The following PDZD2 variants were observed in gnomAD, a reference collection of about 807,000 sequenced individuals.
PDZD2 encodes the protein PDZ domain-containing protein 2.
In PDZD2, 90 loss-of-function variants were observed where a neutral mutation model predicts 220.7. The observed-to-expected ratio is 0.41, with a 90% CI of 0.34 to 0.49. PDZD2 has a LOEUF of 0.49. Among genes scored for constraint, PDZD2 ranks in the 20% least tolerant of loss-of-function variants. The pLI is 0.28. For missense variants in PDZD2, 3,174 were observed against 3,608.5 expected (o/e 0.88, Z 3.08); for synonymous variants, 1,375 against 1,450.5 (o/e 0.95, Z 1.18).
At chr5:32,051,389 G>A (rs1413000824) in intron 8 of PDZD2, among the ~76,000 whole-genome samples, 1 of 152,096 alleles carries the variant, frequency 6.6e-6, no homozygotes, top group Non-Finnish European at 1.5e-5. Context: ...GTTCTAAGCT[G>A]CCAAAAATAC....
At chr5:31,662,775 G>A (rs527433254) in intron 1 of PDZD2, among the ~76,000 whole-genome samples, 46 of 152,240 alleles carry the variant, frequency 3.0e-4, no homozygotes, top group Middle Eastern at 3.4e-3. Flanking sequence ...GACTACAGGC[G>A]CCCACCACCA....
intron 2 of PDZD2, among the ~76,000 whole-genome samples, chr5:31,924,733 A>G (rs911543926): frequency 7.2e-5 from 11 of 152,344 alleles, no homozygotes; most frequent in African/African-American, 2.6e-4. Flanking sequence ...CCAAAGATTT[A>G]GAGAAATATC....
chr5:31,810,251 T>C (rs921011944), intron 2 of PDZD2, among the ~76,000 whole-genome samples: 1 of 150,394 alleles, frequency 6.6e-6, no homozygotes, highest in Non-Finnish European at 1.5e-5. Context: ...CTTTTTCTTT[T>C]CTTCTCCAGA....
At chr5:31,783,234 C>G (rs1753157601) in intron 1 of PDZD2, among the ~76,000 whole-genome samples, 1 of 152,074 alleles carries the variant, frequency 6.6e-6, no homozygotes, top group Non-Finnish European at 1.5e-5. Context: ...CTTGGGAACA[C>G]CAGAAGCATG....
chr5:31,772,316 C>T (rs1486730796), intron 1 of PDZD2, among the ~76,000 whole-genome samples: 1 of 152,190 alleles, frequency 6.6e-6, no homozygotes, highest in East Asian at 1.9e-4. Flanking sequence ...CACTCTGGGT[C>T]ATACCCTTGC....
At position 32,108,127 on chromosome 5, in the gene PDZD2, T is replaced by G. The variant is rs1448141931; in HGVS notation, c.8512T>G (p.Ser2838Ala). 1.9e-6 allele frequency: 3 copies of G among 1,584,954 alleles called. No individual in the cohort carries two copies. The Admixed American group carries it at 5.3e-5, about 28-fold the overall frequency. The change falls in exon 25 of 25, where the codon TCT becomes GCT. Residue 2838 changes from serine to alanine, a missense_variant. Around this residue, in one of 4 missense-constraint regions of PDZD2, gnomAD observed 631 missense variants for 789.9 expected, o/e 0.80. Coordinates refer to ENST00000438447, the MANE Select transcript of PDZD2 (RefSeq NM_178140.4). ...GTTATTAATTAGAAAGCATAGGAAT[T>G]CTTCATGAATTTTAACAAGAATCAT... ...VQLLIRKHRN[S>A]S
chr5:32,080,641 G>A (rs142358007), intron 19 of PDZD2, among the ~76,000 whole-genome samples: 111 of 152,172 alleles, frequency 7.3e-4, no homozygotes, highest in Non-Finnish European at 7.6e-4. Context: ...TGCCACTGAG[G>A]AATTTCTTAT....
At chr5:31,655,538 A>G (rs253939) in intron 1 of PDZD2, among the ~76,000 whole-genome samples, 36,113 of 140,622 alleles carry the variant, frequency 0.26, 4,870 homozygotes, top group African/African-American at 0.38. Context: ...CGCCATTACC[A>G]TGTAAAATCT....
chr5:31,710,922 C>A (rs1296400301), intron 1 of PDZD2, among the ~76,000 whole-genome samples: 1 of 151,854 alleles, frequency 6.6e-6, no homozygotes, highest in Non-Finnish European at 1.5e-5. Context: ...CAGTGTCTGG[C>A]AGGGAGGAAG....
chr5:31,729,417 G>C (rs1166692257), intron 1 of PDZD2, among the ~76,000 whole-genome samples: 1 of 152,136 alleles, frequency 6.6e-6, no homozygotes, highest in Non-Finnish European at 1.5e-5. Flanking sequence ...AATCTTACAT[G>C]ATCCTCACAA....
At chr5:31,895,338 G>T (rs28405035) in intron 2 of PDZD2, among the ~76,000 whole-genome samples, 31 of 152,238 alleles carry the variant, frequency 2.0e-4, no homozygotes, top group African/African-American at 6.7e-4. Flanking sequence ...CTCATGAATG[G>T]GATGAGTGCC....
intron 2 of PDZD2, chr5:31,908,564 A>G: frequency 1.0e-6 from 1 of 974,376 alleles, no homozygotes; most frequent in Non-Finnish European, 1.6e-6. Flanking sequence ...GCTGGTGTTG[A>G]TACTGTCATG....
At chr5:31,884,355 T>C (rs775341555) in intron 2 of PDZD2, among the ~76,000 whole-genome samples, 8 of 152,216 alleles carry the variant, frequency 5.3e-5, no homozygotes, top group Non-Finnish European at 1.0e-4. Flanking sequence ...TCTGGTGGCT[T>C]TTATCCTAGA....
At chr5:31,837,015 TAAAAGAAAGAAAGAAA>T (rs201591058) in intron 2 of PDZD2, among the ~76,000 whole-genome samples, 8,613 of 103,174 alleles carry the variant, frequency 0.083, 435 homozygotes, top group East Asian at 0.31. Flanking sequence ...GAGACTGTCT[TAAAAGAAAGAAAGAAA>T]GAAAGAAAGA....
intron 17 of PDZD2, among the ~76,000 whole-genome samples, 167 bp from the exon 18 acceptor site, chr5:32,073,665 G>T (rs1457562122): frequency 6.6e-6 from 1 of 152,040 alleles, no homozygotes; most frequent in Non-Finnish European, 1.5e-5. Flanking sequence ...ACTCCATATA[G>T]CCTCCAGGAA....
chr5:31,661,459 G>A (rs1317761856), intron 1 of PDZD2: 1 of 152,208 alleles, frequency 6.6e-6, no homozygotes, highest in Non-Finnish European at 1.5e-5. Flanking sequence ...TGGGAGGAAA[G>A]GAGTCCAAGG....
intron 1 of PDZD2, among the ~76,000 whole-genome samples, chr5:31,703,957 T>TTCTCTC (rs10652328): frequency 6.7e-6 from 1 of 149,376 alleles, no homozygotes; most frequent in Non-Finnish European, 1.5e-5. Context: ...TTCTCTCTCT[T>TTCTCTC]TCTCTCTCTC....
intron 6 of PDZD2, among the ~76,000 whole-genome samples, chr5:32,018,618 G>A (rs1005496054): frequency 1.3e-5 from 2 of 152,192 alleles, no homozygotes; most frequent in African/African-American, 2.4e-5. Flanking sequence ...GCACCAACCC[G>A]CAGCAGGCGG....
chr5:32,027,678 T>C (rs1754779103), intron 6 of PDZD2, among the ~76,000 whole-genome samples: 1 of 152,228 alleles, frequency 6.6e-6, no homozygotes, highest in Admixed American at 6.5e-5. Flanking sequence ...GTTACTCTCT[T>C]GATTGGAAAG....
Sources: allele counts gnomAD v4.1 joint callset (sites outside exome capture counted in the v4.1 genomes callset), GRCh38; gene constraint gnomAD v4.1.1; regional missense constraint gnomAD v4.1.1; transcripts MANE v1.5; gene names NCBI Gene and HGNC (gene_info 2026-07-23, HGNC 2026-07-21).